PUM1: variants seen among roughly 807,000 people sequenced by gnomAD.
PUM1 encodes pumilio homolog 1.
Under a neutral mutation model 131.8 loss-of-function variants are expected in PUM1, and 13 were observed. The observed-to-expected ratio is 0.10, with a 90% CI of 0.06 to 0.16. The LOEUF (loss-of-function observed/expected upper bound fraction) is 0.16. Among genes scored for constraint, PUM1 ranks in the 10% least tolerant of loss-of-function variants. PUM1 has a pLI of 1.00. For synonymous variants in PUM1, 509 were observed against 556.5 expected, an observed-to-expected ratio of 0.91 and a Z score of 1.20; for missense variants, 961 against 1,512.4, an observed-to-expected ratio of 0.64 and a Z score of 6.05.
chr1:30,985,390 T>C (rs1223904354), intron 7 of PUM1, among the ~76,000 whole-genome samples: 1 of 152,136 alleles, frequency 6.6e-6, no homozygotes, highest in Non-Finnish European at 1.5e-5. Context: ...AAGTGGCTCA[T>C]GCCTTTAATG....
At chr1:30,974,171 C>T (rs1376463478) in intron 10 of PUM1, among the ~76,000 whole-genome samples, 4 of 151,840 alleles carry the variant, frequency 2.6e-5, no homozygotes. Context: ...TTGCAGTTTA[C>T]CGTCCTTTCT....
chr1:31,038,504 T>G (rs1416508760), intron 2 of PUM1, among the ~76,000 whole-genome samples: 1 of 152,168 alleles, frequency 6.6e-6, no homozygotes, highest in Non-Finnish European at 1.5e-5. Context: ...TATGGTGATT[T>G]GTCTTATCTC....
At chr1:31,037,224 A>C (rs1330473994) in intron 2 of PUM1, 1 of 152,850 alleles carries the variant, frequency 6.5e-6, no homozygotes, top group Non-Finnish European at 1.5e-5. Flanking sequence ...TAAATTGAAA[A>C]GTGGATCAAA....
intron 7 of PUM1, among the ~76,000 whole-genome samples, chr1:30,986,747 C>T (rs1291978079): frequency 6.6e-6 from 1 of 152,162 alleles, no homozygotes; most frequent in Non-Finnish European, 1.5e-5. Flanking sequence ...AGAAGTTAAG[C>T]TTCAACTGAT....
chr1:31,056,609 CTTTTTTTTTTTTTTTTTTTTTTT>C (rs57685772), intron 2 of PUM1, among the ~76,000 whole-genome samples: 2 of 43,688 alleles, frequency 4.6e-5, no homozygotes, highest in Non-Finnish European at 8.0e-5. Context: ...CTTTTCTTTT[CTTTTTTTTTTTTTTTTTTTTTTT>C]TTTTTTTTTT....
chr1:31,013,209 A>C (rs1006069772), intron 3 of PUM1, among the ~76,000 whole-genome samples: 1 of 152,164 alleles, frequency 6.6e-6, no homozygotes, highest in Admixed American at 6.5e-5. Context: ...TACAAGAACC[A>C]TGATTACGGC....
At chr1:30,988,753 CCA>C (rs778093013) in intron 7 of PUM1, among the ~76,000 whole-genome samples, 4 of 152,206 alleles carry the variant, frequency 2.6e-5, no homozygotes, top group Non-Finnish European at 4.4e-5. Context: ...TAGGACTACA[CCA>C]CAGTCATTCC....
chr1:31,007,131 A>G, intron 3 of PUM1, 29 bp from the exon 4 acceptor site: 1 of 1,521,230 alleles, frequency 6.6e-7, no homozygotes, highest in Non-Finnish European at 9.1e-7. Flanking sequence ...AGATGCTTTT[A>G]AAGAATTCAT....
At chr1:30,938,952 CAGAT>C (rs1209748828) in intron 20 of PUM1, among the ~76,000 whole-genome samples, 180 of 149,844 alleles carry the variant, frequency 1.2e-3, no homozygotes, top group Admixed American at 2.0e-3. Context: ...GACAGATAGA[CAGAT>C]AGACAGATAC....
chr1:30,968,543 G>A (rs1474523928), intron 10 of PUM1, 51 bp from the exon 11 acceptor site: 3 of 1,564,668 alleles, frequency 1.9e-6, no homozygotes, highest in Non-Finnish European at 2.6e-6. Context: ...CATTGGAGAA[G>A]ACCTACCCTA....
chr1:30,938,038 C>G (rs1639287228), intron 20 of PUM1, among the ~76,000 whole-genome samples: 1 of 152,108 alleles, frequency 6.6e-6, no homozygotes, highest in South Asian at 2.1e-4. Context: ...TCCCAAAGTG[C>G]TGGGATTATA....
Position 30,992,641 on chromosome 1 carries a change from G to C in PUM1, c.907C>G (p.Gln303Glu). 1 of 1,613,576 alleles carries C rather than the reference G, an allele frequency of 6.2e-7. No individual in the cohort carries two copies. The highest frequency in any genetic ancestry group is 8.5e-7 in the Non-Finnish European group (1 of 1,179,644). The change falls in exon 7 of 22, where the codon CAG (glutamine) becomes GAG (glutamate). Residue 303 changes from glutamine (Q) to glutamate (E), a missense_variant. By Grantham distance (29) the Gln-to-Glu change is conservative (BLOSUM62 2). This residue lies in a region of PUM1 where 654 missense variants were observed against 923.9 expected (regional missense o/e 0.71). Transcript: ENST00000426105. Reference sequence around the variant, plus strand: ...AGATCCACTTCATTAGCAGAGTTCTGGCAATTACCAGGGGTACGGCTAAAC... The same window carrying C: ...AGATCCACTTCATTAGCAGAGTTCTCGCAATTACCAGGGGTACGGCTAAAC... ...KDFSRTPGNC[Q>E]NSANEVDLLG...
chr1:30,945,305 AAAT>A (rs1639626191), intron 18 of PUM1, 38 bp downstream of exon 18: 1 of 1,605,786 alleles, frequency 6.2e-7, no homozygotes, highest in Non-Finnish European at 8.5e-7. Flanking sequence ...CTCACAAAGG[AAAT>A]AAATTTGTTT....
intron 3 of PUM1, among the ~76,000 whole-genome samples, chr1:31,011,614 G>T (rs1642621389): frequency 6.6e-6 from 1 of 152,194 alleles, no homozygotes; most frequent in Non-Finnish European, 1.5e-5. Flanking sequence ...AAGCTCTCTG[G>T]AGGTAACATC....
chr1:30,938,928 C>CAGAT (rs1305444300), intron 20 of PUM1, among the ~76,000 whole-genome samples: 13 of 103,294 alleles, frequency 1.3e-4, no homozygotes, highest in South Asian at 2.8e-4. Context: ...GACAGACAGA[C>CAGAT]AGACAGACAG....
At chr1:31,061,727 G>C (rs1183038109) in intron 1 of PUM1, 1 of 152,316 alleles carries the variant, frequency 6.6e-6, no homozygotes, top group Admixed American at 6.5e-5. Flanking sequence ...GGGAGGCTGA[G>C]GTGGGCAGAC....
In PUM1 at chr1:30,981,408, G is replaced by A. The variant is rs1641351816; in HGVS notation, c.1159-3C>T. ...AGCGCATTAGGTCTTTGGAACAGCT[G>A]AGGCAAGAGGAAAAACACGGTGTGG... On this transcript the variant is annotated splice_polypyrimidine_tract_variant and splice_region_variant and intron_variant, in intron 7 of 21. Transcript: ENST00000426105. 6.3e-7 allele frequency: 1 copy of A among 1,574,978 alleles called. No homozygotes were observed. The highest frequency in any genetic ancestry group is 8.7e-7 in the Non-Finnish European group (1 of 1,151,136).
At chr1:30,939,873 T>C (rs143975777) in intron 20 of PUM1, among the ~76,000 whole-genome samples, 2,390 of 152,294 alleles carry the variant, frequency 0.016, 27 homozygotes, top group Non-Finnish European at 0.024. Flanking sequence ...AAAACTTCTT[T>C]TTTTTTAAAT....
chr1:31,064,560 G>A (rs1397397040), intron 1 of PUM1, among the ~76,000 whole-genome samples: 1 of 152,040 alleles, frequency 6.6e-6, no homozygotes, highest in Non-Finnish European at 1.5e-5. Context: ...GAAGTTAACT[G>A]ACTTTAAAAC....
Sources: gnomAD v4.1 joint callset for allele counts (sites outside exome capture counted in the v4.1 genomes callset) on GRCh38, gnomAD v4.1.1 for gene constraint, gnomAD v4.1.1 regional missense constraint, MANE v1.5 for transcripts, NCBI Gene and HGNC (gene_info 2026-07-23, HGNC 2026-07-21) for gene names.